The following THSD7A variants were observed in gnomAD, a reference collection of about 807,000 sequenced individuals.
THSD7A encodes the protein thrombospondin type 1 domain containing 7A.
THSD7A carries 96 observed loss-of-function variants against 231.3 expected under a neutral mutation model. The observed-to-expected ratio is 0.41, with a 90% CI of 0.35 to 0.49. The LOEUF (loss-of-function observed/expected upper bound fraction) is 0.49, where lower values mean the gene tolerates loss of function less well. THSD7A is among the 20% of genes least tolerant of loss of function. The probability of loss-of-function intolerance (pLI) is 0.05; values close to 1 mark genes in which losing one functional copy is unlikely to be tolerated. For synonymous variants in THSD7A, 940 were observed against 743.3 expected, an observed-to-expected ratio of 1.26 and a Z score of -4.30; for missense variants, 2,290 against 2,070.2, an observed-to-expected ratio of 1.11 and a Z score of -2.06.
intron 1 of THSD7A, among the ~76,000 whole-genome samples, chr7:11,694,970 A>C (rs1305404950): frequency 6.6e-6 from 1 of 151,524 alleles, no homozygotes; most frequent in Non-Finnish European, 1.5e-5. Context: ...AACTTGCTAC[A>C]TGGCAGAATT....
At chr7:11,427,308 T>C (rs894354400) in intron 14 of THSD7A, among the ~76,000 whole-genome samples, 4 of 152,242 alleles carry the variant, frequency 2.6e-5, no homozygotes, top group Non-Finnish European at 5.9e-5. Flanking sequence ...TCTATTTTTA[T>C]GCAGAACATT....
intron 2 of THSD7A, among the ~76,000 whole-genome samples, chr7:11,595,471 GT>G (rs1029016851): frequency 5.9e-5 from 9 of 152,086 alleles, no homozygotes; most frequent in African/African-American, 2.2e-4. Context: ...GGTTCTAATG[GT>G]TTATTTGCTT....
chr7:11,528,309 T>G (rs1216995155), intron 6 of THSD7A, among the ~76,000 whole-genome samples: 1 of 152,182 alleles, frequency 6.6e-6, no homozygotes, highest in African/African-American at 2.4e-5. Context: ...AGAGCTCCAA[T>G]GTCTCTTTTA....
At chr7:11,489,941 T>A (rs547729739) in intron 6 of THSD7A, among the ~76,000 whole-genome samples, 1 of 152,070 alleles carries the variant, frequency 6.6e-6, no homozygotes, top group African/African-American at 2.4e-5. Flanking sequence ...TTAAGAAACC[T>A]GGGAGTCTTC....
At chr7:11,578,351 A>C (rs1203387996) in intron 4 of THSD7A, among the ~76,000 whole-genome samples, 1 of 152,238 alleles carries the variant, frequency 6.6e-6, no homozygotes, top group Non-Finnish European at 1.5e-5. Flanking sequence ...GAGATATAGA[A>C]TGAATTAGTG....
At chr7:11,761,916 C>A (rs537033227) in intron 1 of THSD7A, among the ~76,000 whole-genome samples, 1 of 152,050 alleles carries the variant, frequency 6.6e-6, no homozygotes, top group Non-Finnish European at 1.5e-5. Flanking sequence ...CTCCTTCCCC[C>A]CTTTTGGAGT....
rs1784615929 is a variant in THSD7A, at chr7:11,814,266, G to C, written c.190+17491C>G. Among the ~76,000 whole-genome samples, 1 of 152,134 alleles carries C rather than the reference G, an allele frequency of 6.6e-6. No homozygotes were observed. The highest frequency in any genetic ancestry group is 6.5e-5 in the Admixed American group (1 of 15,274). ...AATTGTATGCTTTAAATGGGTGATTGCATGCTACGTGCATTCTATCAAATA... is the reference window on the plus strand; with the variant it reads ...AATTGTATGCTTTAAATGGGTGATTCCATGCTACGTGCATTCTATCAAATA... On this transcript the variant is annotated intron_variant, in intron 1 of 27. Transcript: ENST00000423059. The surrounding 1 kb of genome is among the most constrained non-coding windows in gnomAD (Gnocchi z 5.1).
intron 1 of THSD7A, among the ~76,000 whole-genome samples, chr7:11,644,338 T>C (rs1782203304): frequency 6.6e-6 from 1 of 152,008 alleles, no homozygotes; most frequent in South Asian, 2.1e-4. Flanking sequence ...TTGATTTAAT[T>C]ATAAATATAT....
chr7:11,677,834 A>G (rs544892899), intron 1 of THSD7A, among the ~76,000 whole-genome samples: 1 of 152,232 alleles, frequency 6.6e-6, no homozygotes, highest in South Asian at 2.1e-4. Context: ...TCAGCTCTGG[A>G]CCAAGCAGAC....
Position 11,379,224 on chromosome 7 carries a change from G to A in THSD7A, c.4647C>T (p.Thr1549=). ...GYTEVMSSNS[T]LEQCTLIPVV... ...CGGGGATAAGTGTGCATTGCTCAAG[G>A]GTGCTGTTAGAAGACATGACTTCAG... Residue 1549 remains threonine (T), a synonymous_variant, in exon 26 of 28, where the codon ACC becomes ACT. Coordinates refer to ENST00000423059, the MANE Select transcript of THSD7A (RefSeq NM_015204.3). 6.2e-7 allele frequency: 1 copy of A among 1,613,608 alleles called. No homozygotes were observed. Among genetic ancestry groups the A allele is most frequent in the Non-Finnish European group, 8.5e-7 (1 of 1,179,648 alleles).
At position 11,541,321 on chromosome 7, in the gene THSD7A, C is replaced by G. The variant is rs1366928250; in HGVS notation, c.1822+98G>C. On this transcript the variant is annotated intron_variant, in intron 6 of 27. Transcript: ENST00000423059. ...CTATTTCTACGTTTGTAAACAGAAT[C>G]AGTTATAATGCGAGAAGACACAGGA... 2.8e-5 allele frequency: 32 copies of G among 1,123,540 alleles called. No individual in the cohort carries two copies. The East Asian group carries it at 7.8e-4, about 27-fold the overall frequency. 69.6% of individuals were successfully genotyped at this position (1,123,540 alleles called of 1,614,324 possible).
At chr7:11,390,026 C>G (rs1046269754) in intron 23 of THSD7A, among the ~76,000 whole-genome samples, 3 of 152,172 alleles carry the variant, frequency 2.0e-5, no homozygotes, top group Admixed American at 1.3e-4. Flanking sequence ...CCTGACCTTT[C>G]TATCTGGCTG....
intron 6 of THSD7A, among the ~76,000 whole-genome samples, chr7:11,519,213 T>C (rs1023523): frequency 0.94 from 142,456 of 152,098 alleles, 67,043 homozygotes; most frequent in African/African-American, 0.98. Flanking sequence ...GGGTAATCGC[T>C]TTGCAGATCA....
chr7:11,452,896 T>C (rs1268771408), intron 11 of THSD7A, among the ~76,000 whole-genome samples: 1 of 151,994 alleles, frequency 6.6e-6, no homozygotes, highest in Non-Finnish European at 1.5e-5. Flanking sequence ...CTGCAGAGTA[T>C]AAAACCTGGG....
At chr7:11,729,716 T>C (rs1399388308) in intron 1 of THSD7A, among the ~76,000 whole-genome samples, 2 of 151,714 alleles carry the variant, frequency 1.3e-5, no homozygotes, top group Non-Finnish European at 3.0e-5. Context: ...AATCCATTCA[T>C]GGCCTTCTAA....
Position 11,474,547 on chromosome 7 carries a change from C to T in THSD7A, c.2039G>A (p.Ser680Asn). 1 of 1,595,074 alleles carries T rather than the reference C, an allele frequency of 6.3e-7. No homozygotes were observed. Among genetic ancestry groups the T allele is most frequent in the Non-Finnish European group, 8.6e-7 (1 of 1,166,192 alleles). The change falls in exon 8 of 28, where the codon AGC (serine) becomes AAC (asparagine). Residue 680 changes from serine (S) to asparagine (N), a missense_variant. Physicochemically the swap from Ser to Asn is conservative, Grantham distance 46 (BLOSUM62 1). Transcript: ENST00000423059. The surrounding 1 kb of genome is among the most constrained non-coding windows in gnomAD (Gnocchi z 4.1). ...GCTTCGTACTTCTTGCAAAGCACTGCTATTTGGACAGCGAATTCCACCTAA... is the reference window on the plus strand; with the variant it reads ...GCTTCGTACTTCTTGCAAAGCACTGTTATTTGGACAGCGAATTCCACCTAA... ...GEEGGIRCPN[S>N]SALQEVRSCN...
chr7:11,762,388 C>T (rs879940130), intron 1 of THSD7A, among the ~76,000 whole-genome samples: 1 of 151,988 alleles, frequency 6.6e-6, no homozygotes, highest in Non-Finnish European at 1.5e-5. Context: ...CTTATTCATC[C>T]TAGCTATGAT....
At chr7:11,483,343 G>A (rs949215363) in intron 6 of THSD7A, among the ~76,000 whole-genome samples, 11 of 152,142 alleles carry the variant, frequency 7.2e-5, no homozygotes, top group African/African-American at 2.7e-4. Flanking sequence ...CAATTGGAAT[G>A]CACCTACGTG....
At chr7:11,797,727 C>T (rs897058593) in intron 1 of THSD7A, among the ~76,000 whole-genome samples, 2 of 152,018 alleles carry the variant, frequency 1.3e-5, no homozygotes, top group African/African-American at 2.4e-5. Flanking sequence ...TCTTGATTTT[C>T]ATTTTCTAAT....
Sources: gnomAD v4.1 joint callset for allele counts (sites outside exome capture counted in the v4.1 genomes callset) on GRCh38, gnomAD v4.1.1 for gene constraint, Gnocchi (gnomAD v3.1) non-coding constraint, MANE v1.5 for transcripts, NCBI Gene and HGNC (gene_info 2026-07-23, HGNC 2026-07-21) for gene names.